CADM1: variants seen among roughly 807,000 people sequenced by gnomAD.
CADM1 encodes the protein TSLC-1.
Under a neutral mutation model 53.1 loss-of-function variants are expected in CADM1, and 15 were observed. The observed-to-expected ratio is 0.28, with a 90% CI of 0.19 to 0.44. The LOEUF is 0.44. CADM1 is among the 20% of genes least tolerant of loss of function. The pLI, the probability that CADM1 is intolerant of heterozygous loss-of-function variation, is 1.00. For missense variants in CADM1, 434 were observed against 611.3 expected, an observed-to-expected ratio of 0.71 and a Z score of 3.06; for synonymous variants, 281 against 243.0, an observed-to-expected ratio of 1.16 and a Z score of -1.45.
At chr11:115,464,841 A>T (rs567745837) in intron 1 of CADM1, among the ~76,000 whole-genome samples, 50 of 152,360 alleles carry the variant, frequency 3.3e-4, no homozygotes, top group African/African-American at 1.1e-3. Context: ...ATACCAGATC[A>T]CTTAAAAGAT....
Position 115,173,622 on chromosome 11 carries a change from G to T in CADM1, c.*2852C>A. The T allele has an allele frequency of 3.5e-6, 1 of 289,180 alleles. No individual in the cohort carries two copies. The highest frequency in any genetic ancestry group is 5.1e-6 in the Non-Finnish European group (1 of 194,252). The allele number at this position is 289,180 out of a possible 1,614,324, so 17.9% of individuals were successfully genotyped here. ...ATAAGAAGTCCATAAAGAGATTAAA[G>T]GATCACTTTGTAACATTAATTTTTT... On this transcript the variant is annotated 3_prime_UTR_variant, in exon 12 of 12. Coordinates refer to ENST00000331581, the MANE Select transcript of CADM1 (RefSeq NM_001301043.2).
chr11:115,437,611 A>G (rs1284078844), intron 1 of CADM1, among the ~76,000 whole-genome samples: 1 of 152,220 alleles, frequency 6.6e-6, no homozygotes, highest in Non-Finnish European at 1.5e-5. Flanking sequence ...GGGCAAATCA[A>G]CATCCCTTAA....
In CADM1 at chr11:115,450,361, T is replaced by C. The variant is rs1948544616; in HGVS notation, c.124+53910A>G. On this transcript the variant is annotated intron_variant, in intron 1 of 11. Transcript: ENST00000331581. ...CTTTCTACTTCCAGGCCTCCCACAG[T>C]TTTTAACTTCATTCATAGCCTTTAT... Among the ~76,000 whole-genome samples, 2 of 152,212 alleles carry C rather than the reference T, an allele frequency of 1.3e-5. 1 individual carries two copies. Among genetic ancestry groups the C allele is most frequent in the South Asian group, 4.1e-4 (2 of 4,832 alleles).
At chr11:115,261,692 A>G (rs567283582) in intron 1 of CADM1, among the ~76,000 whole-genome samples, 23 of 152,220 alleles carry the variant, frequency 1.5e-4, no homozygotes, top group African/African-American at 5.3e-4. Context: ...AAAATGTTAC[A>G]TTGAAAAGAC....
chr11:115,500,624 C>T (rs1214785866), intron 1 of CADM1, among the ~76,000 whole-genome samples: 1 of 152,214 alleles, frequency 6.6e-6, no homozygotes, highest in Admixed American at 6.5e-5. Context: ...GTTATAATTG[C>T]AAGACATCTT....
rs568111529 is a variant in CADM1 at position 115,332,906 on chromosome 11, C to T, written c.125-92486G>A. ...AAAGCGATGTTCCTGGATCTCCCTGCGCTTCCCTAAGACCATCACTCCAGC... is the reference window on the plus strand; with the variant it reads ...AAAGCGATGTTCCTGGATCTCCCTGTGCTTCCCTAAGACCATCACTCCAGC... On this transcript the variant is annotated intron_variant, in intron 1 of 11. Coordinates refer to ENST00000331581, the MANE Select transcript of CADM1 (RefSeq NM_001301043.2). Among the ~76,000 whole-genome samples the T allele has an allele frequency of 2.6e-5, 4 of 152,166 alleles. No individual in the cohort carries two copies. In the South Asian group the frequency reaches 6.2e-4, roughly 24 times the overall value.
At chr11:115,359,569 T>A (rs942153662) in intron 1 of CADM1, among the ~76,000 whole-genome samples, 26 of 152,214 alleles carry the variant, frequency 1.7e-4, no homozygotes, top group African/African-American at 6.0e-4. Flanking sequence ...CTCCTACATT[T>A]TTAATTGGTC....
intron 1 of CADM1, chr11:115,363,805 C>T (rs923591741): frequency 1.3e-5 from 2 of 152,150 alleles, no homozygotes; most frequent in Non-Finnish European, 2.9e-5. Context: ...TAACAACTTT[C>T]GGTCAACAAT....
intron 1 of CADM1, among the ~76,000 whole-genome samples, chr11:115,318,042 CTTA>C (rs1295090546): frequency 6.6e-6 from 1 of 151,476 alleles, no homozygotes; most frequent in African/African-American, 2.4e-5. Flanking sequence ...ACCTTCCCTA[CTTA>C]TTTTTTTTAA....
At chr11:115,390,930 A>G (rs180923697) in intron 1 of CADM1, among the ~76,000 whole-genome samples, 13 of 152,328 alleles carry the variant, frequency 8.5e-5, no homozygotes, top group African/African-American at 2.9e-4. Flanking sequence ...AAAGTCAAAC[A>G]CTTCATTTAA....
At chr11:115,495,016 C>T (rs188944099) in intron 1 of CADM1, among the ~76,000 whole-genome samples, 1 of 152,088 alleles carries the variant, frequency 6.6e-6, no homozygotes, top group Admixed American at 6.5e-5. Context: ...GAGAGCTCTT[C>T]ACAATGAAGT....
intron 1 of CADM1, among the ~76,000 whole-genome samples, chr11:115,245,390 CAGGGT>C (rs1376359404): frequency 6.6e-6 from 1 of 152,080 alleles, no homozygotes; most frequent in Non-Finnish European, 1.5e-5. Context: ...ATGAAAGGCT[CAGGGT>C]TATTCATTCC....
chr11:115,271,928 C>T (rs1241727630), intron 1 of CADM1, among the ~76,000 whole-genome samples: 1 of 152,168 alleles, frequency 6.6e-6, no homozygotes, highest in Non-Finnish European at 1.5e-5. Context: ...TTAATCTATA[C>T]CACCTGTCCC....
At chr11:115,230,038 A>G (rs1565311997) in intron 4 of CADM1, among the ~76,000 whole-genome samples, 1 of 152,204 alleles carries the variant, frequency 6.6e-6, no homozygotes, top group Non-Finnish European at 1.5e-5. Context: ...ATGGCACACC[A>G]TTAACTTTCT....
intron 8 of CADM1, 120 bp from the exon 9 acceptor site, chr11:115,198,558 G>A (rs531578736): frequency 2.2e-5 from 16 of 733,464 alleles, no homozygotes; most frequent in East Asian, 1.4e-4. Flanking sequence ...AAAGAACATC[G>A]CGTGACAAGC....
At chr11:115,450,586 C>T (rs1948549865) in intron 1 of CADM1, among the ~76,000 whole-genome samples, 1 of 152,208 alleles carries the variant, frequency 6.6e-6, no homozygotes, top group Non-Finnish European at 1.5e-5. Context: ...TAACTATACA[C>T]TTTGATTTGG....
chr11:115,325,968 G>A (rs1450783264), intron 1 of CADM1, among the ~76,000 whole-genome samples: 2 of 152,144 alleles, frequency 1.3e-5, no homozygotes, highest in African/African-American at 4.8e-5. Flanking sequence ...CCTAGGCTAA[G>A]AATTTCTATT....
intron 1 of CADM1, among the ~76,000 whole-genome samples, chr11:115,282,715 A>G (rs1225495152): frequency 6.6e-6 from 1 of 152,224 alleles, no homozygotes; most frequent in Non-Finnish European, 1.5e-5. Flanking sequence ...TTTCTGGTCA[A>G]CACATCTTCA....
intron 10 of CADM1, among the ~76,000 whole-genome samples, chr11:115,181,424 T>C (rs1406358868): frequency 1.3e-5 from 2 of 152,172 alleles, no homozygotes; most frequent in Non-Finnish European, 2.9e-5. Context: ...GACATACATA[T>C]TTTACAGATA....
Sources: gnomAD v4.1 joint callset for allele counts (sites outside exome capture counted in the v4.1 genomes callset) on GRCh38, gnomAD v4.1.1 for gene constraint, MANE v1.5 for transcripts, NCBI Gene and HGNC (gene_info 2026-07-23, HGNC 2026-07-21) for gene names.